The following COLEC11 variants were observed in gnomAD, a reference collection of about 807,000 sequenced individuals.
COLEC11 encodes collectin subfamily member 11.
In COLEC11, 20 loss-of-function variants were observed where a neutral mutation model predicts 27.3. The ratio of observed to expected loss-of-function variants is 0.73; its 90% CI spans 0.51 to 1.06. The LOEUF (loss-of-function observed/expected upper bound fraction) is 1.06. Ranked by LOEUF, COLEC11 falls within the 50% of genes least tolerant of loss-of-function variation. The probability of loss-of-function intolerance (pLI) is 0.00; values close to 1 mark genes in which losing one functional copy is unlikely to be tolerated. For synonymous variants in COLEC11, 163 were observed against 154.7 expected (o/e 1.05, Z -0.40); for missense variants, 310 against 383.0 (o/e 0.81, Z 1.59).
At chr2:3,610,268 T>C (rs1474166707) in intron 2 of COLEC11, among the ~76,000 whole-genome samples, 2 of 152,236 alleles carry the variant, frequency 1.3e-5, no homozygotes, top group South Asian at 2.1e-4. Flanking sequence ...GAAATTATTA[T>C]GCAAATAAGT....
chr2:3,626,192 T>G (rs920183559), intron 3 of COLEC11: 1 of 1,009,096 alleles, frequency 9.9e-7, no homozygotes, highest in African/African-American at 1.6e-5. Flanking sequence ...TGGACAGAAC[T>G]GGAGCAGAAG....
At chr2:3,608,285 G>A (rs917142454) in intron 2 of COLEC11, among the ~76,000 whole-genome samples, 4 of 152,194 alleles carry the variant, frequency 2.6e-5, no homozygotes, top group Non-Finnish European at 5.9e-5. Context: ...GTGGAAGTGA[G>A]CCAGCAGTTG....
chr2:3,601,991 A>G (rs1227717317), intron 1 of COLEC11: 1 of 151,846 alleles, frequency 6.6e-6, no homozygotes, highest in African/African-American at 2.4e-5. Context: ...TTCTGGGAGA[A>G]CTCCTCGTGC....
chr2:3,610,576 T>TC (rs35109013), intron 2 of COLEC11, among the ~76,000 whole-genome samples: 1 of 152,152 alleles, frequency 6.6e-6, no homozygotes, highest in African/African-American at 2.4e-5. Context: ...GGTCAGGTTA[T>TC]CCCCATGAGC....
chr2:3,631,249 T>TA (rs965848055), intron 3 of COLEC11, among the ~76,000 whole-genome samples: 7 of 150,718 alleles, frequency 4.6e-5, no homozygotes, highest in Admixed American at 1.3e-4. Context: ...AAGAAAAAAT[T>TA]AAAAAAAAAG....
At chr2:3,609,437 A>C (rs1438569993) in intron 2 of COLEC11, among the ~76,000 whole-genome samples, 3 of 130,854 alleles carry the variant, frequency 2.3e-5, no homozygotes, top group African/African-American at 8.9e-5. Flanking sequence ...TGGTGCACTT[A>C]TAGCTAACTG....
At chr2:3,596,608 A>G (rs1381090323) in intron 1 of COLEC11, among the ~76,000 whole-genome samples, 1 of 152,072 alleles carries the variant, frequency 6.6e-6, no homozygotes, top group Non-Finnish European at 1.5e-5. Flanking sequence ...AAATGCTAGG[A>G]TTATAGGCAT....
chr2:3,627,084 T>C (rs1203414535), intron 3 of COLEC11, among the ~76,000 whole-genome samples: 1 of 152,318 alleles, frequency 6.6e-6, no homozygotes, highest in East Asian at 1.9e-4. Flanking sequence ...AGTTCCCTGA[T>C]GACCGGTCAC....
chr2:3,605,081 A>G (rs1175510536), intron 2 of COLEC11: 1 of 470,960 alleles, frequency 2.1e-6, no homozygotes, highest in Non-Finnish European at 4.4e-6. Context: ...CCAGAGCAGC[A>G]TCTTCAAGTA....
intron 2 of COLEC11, among the ~76,000 whole-genome samples, chr2:3,607,219 C>G (rs1662792174): frequency 6.6e-6 from 1 of 151,978 alleles, no homozygotes. Context: ...CCATTCCAGG[C>G]CATTTCAGAT....
chr2:3,613,976 C>CTTTTTTTTTTTTTT lies in COLEC11; in HGVS notation c.202+597_202+598insTTTTTTTTTTTTTT, dbSNP rs1461288131. 8.7e-4 allele frequency among the ~76,000 whole-genome samples: 79 copies of CTTTTTTTTTTTTTT among 91,326 alleles called. 1 individual carries two copies. The highest frequency in any genetic ancestry group is 2.5e-3 in the African/African-American group (71 of 28,938). The allele number at this position is 91,326 out of a possible 152,430, so 59.9% of individuals were successfully genotyped here. ...AAGTGTTTTTTCTTTTTCTTTCTTTCTTTCTTTTTTTTTTTTTTGAGACTG... is the reference window on the plus strand; with the variant it reads ...AAGTGTTTTTTCTTTTTCTTTCTTTCTTTTTTTTTTTTTTTTTCTTTTTTTTTTTTTTGAGACTG... On this transcript the variant is annotated intron_variant, in intron 3 of 6. Transcript: ENST00000349077.
intron 3 of COLEC11, among the ~76,000 whole-genome samples, chr2:3,632,676 T>C (rs1468389641): frequency 1.8e-4 from 28 of 152,208 alleles, no homozygotes; most frequent in Admixed American, 1.8e-3. Flanking sequence ...CAGATGGTGC[T>C]GCTAGGGACG....
intron 3 of COLEC11, among the ~76,000 whole-genome samples, chr2:3,623,167 G>C (rs1380220257): frequency 2.6e-5 from 4 of 152,096 alleles, no homozygotes; most frequent in African/African-American, 9.7e-5. Context: ...AGCCTTATGA[G>C]GGTTCTCTTG....
At chr2:3,633,158 G>A (rs1316114461) in intron 3 of COLEC11, among the ~76,000 whole-genome samples, 2 of 152,222 alleles carry the variant, frequency 1.3e-5, no homozygotes, top group South Asian at 4.1e-4. Flanking sequence ...CCTCCCTGGA[G>A]GACGAGGCCA....
chr2:3,611,887 G>A (rs140549396), intron 2 of COLEC11, among the ~76,000 whole-genome samples: 450 of 152,170 alleles, frequency 3.0e-3, no homozygotes, highest in Non-Finnish European at 4.9e-3. Context: ...GTGTGTGGGC[G>A]GCAAGCCGTC....
At position 3,615,126 on chromosome 2, in the gene COLEC11, T is replaced by TTTTA. The variant is rs70938959; in HGVS notation, c.202+1764_202+1767dup. 0.016 allele frequency among the ~76,000 whole-genome samples: 1,221 copies of TTTTA among 76,250 alleles called. 12 individuals carry two copies. In the South Asian group the frequency reaches 0.18, roughly 11 times the overall value. 50.0% of individuals were successfully genotyped at this position (76,250 alleles called of 152,430 possible). On this transcript the variant is annotated intron_variant, in intron 3 of 6. Coordinates refer to ENST00000349077, the MANE Select transcript of COLEC11 (RefSeq NM_024027.5). ...TTTCTTTCTTTTTTTTTTAAAGGGA[T>TTTTA]TTTATTTATTTATTTATTTATTTTT...
chr2:3,596,172 G>A (rs143913879), intron 1 of COLEC11, among the ~76,000 whole-genome samples: 55 of 152,234 alleles, frequency 3.6e-4, no homozygotes, highest in Admixed American at 1.8e-3. Flanking sequence ...CGGTGGGGCT[G>A]GGGCAGTCCC....
At chr2:3,605,839 G>T in intron 2 of COLEC11, 2 of 439,450 alleles carry the variant, frequency 4.6e-6, no homozygotes, top group Non-Finnish European at 8.4e-6. Flanking sequence ...ACAGGGTCCG[G>T]ACAGCTCGGG....
chr2:3,613,460 G>A, intron 3 of COLEC11, 78 bp downstream of exon 3: 1 of 1,469,252 alleles, frequency 6.8e-7, no homozygotes, highest in South Asian at 1.2e-5. Flanking sequence ...TGGGGAGGTG[G>A]GGGTGGTGGT....
Sources: gnomAD v4.1 joint callset for allele counts (sites outside exome capture counted in the v4.1 genomes callset) on GRCh38, gnomAD v4.1.1 for gene constraint, MANE v1.5 for transcripts, NCBI Gene and HGNC (gene_info 2026-07-23, HGNC 2026-07-21) for gene names.